The following LPP variants were observed in gnomAD, a reference collection of about 807,000 sequenced individuals.
LPP encodes the protein LIM domain containing preferred translocation partner in lipoma, also known as lipoma-preferred partner.
In LPP, 38 loss-of-function variants were observed where a neutral mutation model predicts 60.4. That is an observed-to-expected ratio of 0.63 (90% CI 0.49 to 0.83). The LOEUF (loss-of-function observed/expected upper bound fraction) is 0.83, where lower values mean the gene tolerates loss of function less well. Among genes scored for constraint, LPP ranks in the 40% least tolerant of loss-of-function variants. The pLI is 0.00. For missense variants in LPP, 902 were observed against 783.6 expected (o/e 1.15, Z -1.80); for synonymous variants, 328 against 290.8 (o/e 1.13, Z -1.30).
rs915582697 is a variant in LPP, at chr3:188,882,056, A to G, written c.*7577A>G. 5.2e-5 allele frequency: 11 copies of G among 210,308 alleles called. No individual in the cohort carries two copies. Among genetic ancestry groups the G allele is most frequent in the Admixed American group, 4.1e-4 (7 of 16,958 alleles). 13.0% of individuals were successfully genotyped at this position (210,308 alleles called of 1,614,324 possible). On this transcript the variant is annotated 3_prime_UTR_variant, in exon 12 of 12. Transcript: ENST00000617246. Reference sequence around the variant, plus strand: ...TTCAATTTATAATTACCAAATAATCACTGTTAGAGAATCAGCCCCTAAGTA... The same window carrying G: ...TTCAATTTATAATTACCAAATAATCGCTGTTAGAGAATCAGCCCCTAAGTA...
intron 7 of LPP, among the ~76,000 whole-genome samples, chr3:188,633,996 A>G (rs1016530722): frequency 2.0e-5 from 3 of 152,126 alleles, no homozygotes; most frequent in Non-Finnish European, 4.4e-5. Context: ...AAACTGTACT[A>G]CCATCAGTCT....
chr3:188,607,519 G>T (rs1455638417), intron 6 of LPP, among the ~76,000 whole-genome samples: 1 of 151,192 alleles, frequency 6.6e-6, no homozygotes, highest in Non-Finnish European at 1.5e-5. Context: ...GTTCTTCATG[G>T]TTAAAGAAAA....
chr3:188,741,381 T>G (rs945259844), intron 8 of LPP, among the ~76,000 whole-genome samples: 5 of 152,090 alleles, frequency 3.3e-5, no homozygotes, highest in Non-Finnish European at 5.9e-5. Flanking sequence ...TCTCCAACTT[T>G]GTTCCTCTTT....
chr3:188,212,552 C>G (rs944890830), intron 1 of LPP: 2 of 152,184 alleles, frequency 1.3e-5, no homozygotes, highest in Non-Finnish European at 2.9e-5. Flanking sequence ...TGTTTACCCA[C>G]CAGGCTGATC....
intron 9 of LPP, among the ~76,000 whole-genome samples, chr3:188,856,879 G>A (rs558738062): frequency 6.6e-6 from 1 of 152,274 alleles, no homozygotes; most frequent in South Asian, 2.1e-4. Flanking sequence ...TTATCAGTGT[G>A]CAACAATCTT....
intron 2 of LPP, among the ~76,000 whole-genome samples, chr3:188,309,629 T>C (rs1752739787): frequency 6.7e-6 from 1 of 148,608 alleles, no homozygotes; most frequent in African/African-American, 2.5e-5. Context: ...CAGACAAAAA[T>C]TGAGCAATCT....
chr3:188,846,686 A>G (rs1761505940), intron 9 of LPP, among the ~76,000 whole-genome samples: 1 of 147,582 alleles, frequency 6.8e-6, no homozygotes, highest in Non-Finnish European at 1.5e-5. Context: ...TCCATCTCAA[A>G]AAAAAAAAAA....
chr3:188,186,516 A>G (rs998711579), intron 1 of LPP, among the ~76,000 whole-genome samples: 3 of 152,036 alleles, frequency 2.0e-5, no homozygotes, highest in Non-Finnish European at 2.9e-5. Flanking sequence ...GCCCCTTCAC[A>G]TTTGACTTTT....
In LPP at chr3:188,572,423, T is replaced by G. The variant is rs1314046676; in HGVS notation, c.430-36738T>G. ...AACTCAATAAATGTTAGACTCCTCA[T>G]TAGGATTTGGGTAGAGGTTAATGTC... is the stretch of plus-strand genomic sequence containing the variant. On this transcript the variant is annotated intron_variant, in intron 6 of 11. Coordinates refer to ENST00000617246, the MANE Select transcript of LPP (RefSeq NM_001375462.1). The surrounding 1 kb of genome is among the most constrained non-coding windows in gnomAD (Gnocchi z 4.1). Among the ~76,000 whole-genome samples, 1 of 152,104 alleles carries G rather than the reference T, an allele frequency of 6.6e-6. No homozygotes were observed. The highest frequency in any genetic ancestry group is 1.5e-5 in the Non-Finnish European group (1 of 68,002).
chr3:188,479,366 C>T (rs1579217013), intron 4 of LPP, among the ~76,000 whole-genome samples: 2 of 152,178 alleles, frequency 1.3e-5, no homozygotes, highest in East Asian at 3.9e-4. Context: ...GTCAGCAACA[C>T]CTGAGAGCAT....
chr3:188,708,459 G>A (rs760432303), intron 8 of LPP, 66 bp downstream of exon 8: 1 of 1,608,602 alleles, frequency 6.2e-7, no homozygotes, highest in Non-Finnish European at 8.5e-7. Flanking sequence ...CTTAGTAATT[G>A]GAACTATTAT....
At chr3:188,636,690 C>T (rs1848866362) in intron 7 of LPP, among the ~76,000 whole-genome samples, 1 of 152,008 alleles carries the variant, frequency 6.6e-6, no homozygotes, top group South Asian at 2.1e-4. Context: ...AGTGGTTCTC[C>T]CAGCACGCAG....
At chr3:188,212,094 G>C (rs1406430510) in intron 1 of LPP, among the ~76,000 whole-genome samples, 1 of 152,036 alleles carries the variant, frequency 6.6e-6, no homozygotes, top group Non-Finnish European at 1.5e-5. Flanking sequence ...CCTGACCTCA[G>C]GTGATCCTCC....
rs1261915167 is a variant in LPP at position 188,876,987 on chromosome 3, T to A, written c.*2508T>A. The A allele has an allele frequency of 2.8e-5, 5 of 177,310 alleles. No individual in the cohort carries two copies. Among genetic ancestry groups the A allele is most frequent in the Non-Finnish European group, 6.1e-5 (5 of 82,268 alleles). The allele number at this position is 177,310 out of a possible 1,614,324, so 11.0% of individuals were successfully genotyped here. A position where few individuals can be genotyped will look rare whatever the true frequency, so the allele number is the denominator to read the frequency against. On this transcript the variant is annotated 3_prime_UTR_variant, in exon 12 of 12. Transcript: ENST00000617246. ...CTTTACCAAAGGTTTTTAAAGTAAATCTCTTTTTAAGATAGACTTATTCTT... is the reference window on the plus strand; with the variant it reads ...CTTTACCAAAGGTTTTTAAAGTAAAACTCTTTTTAAGATAGACTTATTCTT...
intron 1 of LPP, among the ~76,000 whole-genome samples, chr3:188,222,857 C>T (rs943373867): frequency 6.6e-6 from 1 of 152,114 alleles, no homozygotes; most frequent in Non-Finnish European, 1.5e-5. Flanking sequence ...TGGAGAGATA[C>T]TTGCCATTGC....
intron 9 of LPP, among the ~76,000 whole-genome samples, chr3:188,773,955 A>T (rs956550482): frequency 6.6e-6 from 1 of 152,190 alleles, no homozygotes; most frequent in Admixed American, 6.5e-5. Flanking sequence ...CTAGTACCTC[A>T]TAGTCATTCA....
At chr3:188,698,213 C>A (rs1327441634) in intron 7 of LPP, among the ~76,000 whole-genome samples, 2 of 152,082 alleles carry the variant, frequency 1.3e-5, no homozygotes, top group Non-Finnish European at 2.9e-5. Context: ...GCATGTGGGG[C>A]ACAGCAAAGG....
At chr3:188,409,318 A>G (rs1372802789) in intron 4 of LPP, among the ~76,000 whole-genome samples, 2 of 152,190 alleles carry the variant, frequency 1.3e-5, no homozygotes, top group African/African-American at 4.8e-5. Context: ...TTTTCCTTTA[A>G]TATATAAGTT....
chr3:188,708,467 T>A, intron 8 of LPP, 74 bp downstream of exon 8: 2 of 1,594,920 alleles, frequency 1.3e-6, no homozygotes, highest in Non-Finnish European at 1.7e-6. Flanking sequence ...TTGGAACTAT[T>A]ATCAGCTCCA....
Sources: gnomAD v4.1 joint callset for allele counts (sites outside exome capture counted in the v4.1 genomes callset) on GRCh38, gnomAD v4.1.1 for gene constraint, Gnocchi (gnomAD v3.1) non-coding constraint, MANE v1.5 for transcripts, NCBI Gene and HGNC (gene_info 2026-07-23, HGNC 2026-07-21) for gene names.